The following OR51B5 variants were observed in gnomAD, a reference collection of about 807,000 sequenced individuals.
OR51B5 encodes olfactory receptor family 51 subfamily B member 5, also known as olfactory receptor 51B5.
For missense variants in OR51B5, 456 were observed against 374.6 expected (o/e 1.22, Z -1.79); for synonymous variants, 186 against 144.8 (o/e 1.28, Z -2.04).
intron 1 of OR51B5, among the ~76,000 whole-genome samples, chr11:5,438,851 A>G (rs1437101993): frequency 1.3e-5 from 2 of 152,226 alleles, no homozygotes; most frequent in African/African-American, 4.8e-5. Context: ...ACAATGGAGC[A>G]AAGCAGAGAT....
intron 1 of OR51B5, among the ~76,000 whole-genome samples, chr11:5,366,823 A>T (rs1182482482): frequency 6.6e-6 from 1 of 152,208 alleles, no homozygotes; most frequent in East Asian, 1.9e-4. Flanking sequence ...TTGATGACTA[A>T]TTCCAATCCC....
At chr11:5,342,519 C>CTTCT, downstream of OR51B5, 1 of 1,510,578 alleles carries the variant, frequency 6.6e-7, no homozygotes, top group Non-Finnish European at 8.8e-7. Context: ...AGATATGAGA[C>CTTCT]TTCTTTGCTC....
At chr11:5,424,709 G>C (rs1004649330) in intron 1 of OR51B5, among the ~76,000 whole-genome samples, 7 of 151,478 alleles carry the variant, frequency 4.6e-5, no homozygotes, top group African/African-American at 9.7e-5. Flanking sequence ...GGGCCTGGCG[G>C]GGTGGCTCAC....
intron 1 of OR51B5, among the ~76,000 whole-genome samples, chr11:5,470,524 C>G (rs954452428): frequency 5.3e-5 from 8 of 151,276 alleles, no homozygotes; most frequent in Non-Finnish European, 7.4e-5. Flanking sequence ...GCCCAGGCTT[C>G]TCTTCTCAAT....
chr11:5,433,793 C>G (rs1212376664), intron 1 of OR51B5, among the ~76,000 whole-genome samples: 1 of 151,924 alleles, frequency 6.6e-6, no homozygotes, highest in Non-Finnish European at 1.5e-5. Context: ...GATTGCACCA[C>G]TGTACTTCAG....
At chr11:5,363,462 CTCTCT>C in intron 1 of OR51B5, among the ~76,000 whole-genome samples, 1 of 80,764 alleles carries the variant, frequency 1.2e-5, no homozygotes, top group Non-Finnish European at 2.7e-5. Flanking sequence ...CACACACTCT[CTCTCT>C]CACACAAAAG....
At chr11:5,475,840 C>A (rs1008402230) in intron 1 of OR51B5, among the ~76,000 whole-genome samples, 3 of 152,264 alleles carry the variant, frequency 2.0e-5, no homozygotes, top group Admixed American at 1.3e-4. Flanking sequence ...CAAGCTTTTG[C>A]AAAATTGGAT....
rs181590167 is a variant in OR51B5 at position 5,413,070 on chromosome 11, T to C, written n.85-66160A>G. 1.1e-4 allele frequency among the ~76,000 whole-genome samples: 17 copies of C among 152,278 alleles called. No homozygotes were observed. In the East Asian group the frequency reaches 2.3e-3, roughly 21 times the overall value. ...CAGACTGACACCTCACACGGCCTGA[T>C]ACTCCTCTGAGACAAAACTTCCAGA... On this transcript the variant is annotated intron_variant and non_coding_transcript_variant, in intron 1 of 4. Coordinates refer to the OR51B5 transcript ENST00000415970.
chr11:5,397,138 G>T (rs1045421402), intron 1 of OR51B5, among the ~76,000 whole-genome samples: 1 of 152,178 alleles, frequency 6.6e-6, no homozygotes, highest in Non-Finnish European at 1.5e-5. Flanking sequence ...CAGGACATAG[G>T]CATGGGCATG....
At chr11:5,384,583 A>G (rs750790991) in intron 1 of OR51B5, among the ~76,000 whole-genome samples, 16 of 152,212 alleles carry the variant, frequency 1.1e-4, no homozygotes, top group South Asian at 2.1e-4. Context: ...TCCCTGGATC[A>G]TGTCTAGAAG....
intron 1 of OR51B5, among the ~76,000 whole-genome samples, chr11:5,426,036 G>C (rs1025685098): frequency 1.3e-5 from 2 of 152,210 alleles, no homozygotes; most frequent in South Asian, 2.1e-4. Context: ...GGCAATTAAA[G>C]AGGAATGAAC....
At position 5,359,090 on chromosome 11, in the gene OR51B5, G is replaced by A. The variant is rs548699998; in HGVS notation, n.85-12180C>T. 2.0e-5 allele frequency among the ~76,000 whole-genome samples: 3 copies of A among 152,244 alleles called. No homozygotes were observed. In the South Asian group the frequency reaches 6.2e-4, roughly 32 times the overall value. On this transcript the variant is annotated intron_variant and non_coding_transcript_variant, in intron 1 of 4. Coordinates refer to the OR51B5 transcript ENST00000415970. Reference sequence around the variant, plus strand: ...TCCCTTTGAAAACTGGCACAAGACAGGGATGCCCTCTCTCACTACTCCTAT... The same window carrying A: ...TCCCTTTGAAAACTGGCACAAGACAAGGATGCCCTCTCTCACTACTCCTAT...
At chr11:5,443,538 C>G in intron 1 of OR51B5, among the ~76,000 whole-genome samples, 1 of 151,006 alleles carries the variant, frequency 6.6e-6, no homozygotes, top group East Asian at 1.9e-4. Flanking sequence ...ACCTTTGCTG[C>G]AAGATTTTCT....
At chr11:5,367,781 C>T (rs918116738) in intron 1 of OR51B5, among the ~76,000 whole-genome samples, 8 of 152,178 alleles carry the variant, frequency 5.3e-5, no homozygotes, top group African/African-American at 1.9e-4. Context: ...ACAAAAGGAA[C>T]AAAAATGTTG....
upstream of OR51B5, chr11:5,346,355 TGAGAAGAAAGACAATGA>T (rs899483432): frequency 3.3e-5 from 5 of 152,124 alleles, 1 homozygote; most frequent in Admixed American, 2.6e-4. Flanking sequence ...TCTTGGTTTC[TGAGAAGAAAGACAATGA>T]GAGAAGAGAT....
chr11:5,389,306 A>C, intron 1 of OR51B5: 2 of 1,207,086 alleles, frequency 1.7e-6, no homozygotes, highest in Non-Finnish European at 1.2e-6. Context: ...GGTGATGATG[A>C]CCATGGTACT....
chr11:5,448,456 G>A (rs553755308), intron 1 of OR51B5, among the ~76,000 whole-genome samples: 7 of 152,210 alleles, frequency 4.6e-5, no homozygotes, highest in Non-Finnish European at 1.0e-4. Flanking sequence ...TGGGGTACAA[G>A]CTAGAGAGAG....
At chr11:5,490,343 T>G (rs981988982) in intron 1 of OR51B5, among the ~76,000 whole-genome samples, 2 of 152,214 alleles carry the variant, frequency 1.3e-5, no homozygotes, top group Non-Finnish European at 2.9e-5. Flanking sequence ...AAAACTTTTT[T>G]TACATTACCT....
At chr11:5,423,501 A>T (rs920913215) in intron 1 of OR51B5, among the ~76,000 whole-genome samples, 1 of 152,184 alleles carries the variant, frequency 6.6e-6, no homozygotes, top group Non-Finnish European at 1.5e-5. Context: ...TTTAAAGGAA[A>T]TCCTGTTGTT....
Sources: gnomAD v4.1 joint callset for allele counts (sites outside exome capture counted in the v4.1 genomes callset) on GRCh38, gnomAD v4.1.1 for gene constraint, MANE v1.5 for transcripts, NCBI Gene and HGNC (gene_info 2026-07-23, HGNC 2026-07-21) for gene names.